The following MEGF9 variants were observed in gnomAD, a reference collection of about 807,000 sequenced individuals.
The protein encoded by MEGF9 is multiple EGF like domains 9, also known as multiple epidermal growth factor-like domains protein 9.
A neutral mutation model predicts 46.8 loss-of-function variants in MEGF9; 6 were observed. The ratio of observed to expected loss-of-function variants is 0.13; its 90% CI spans 0.07 to 0.25. The LOEUF (loss-of-function observed/expected upper bound fraction) is 0.25, where lower values mean the gene tolerates loss of function less well. Among genes scored for constraint, MEGF9 ranks in the 10% least tolerant of loss-of-function variants. The probability of loss-of-function intolerance (pLI) is 1.00; values close to 1 mark genes in which losing one functional copy is unlikely to be tolerated. For missense variants in MEGF9, 683 were observed against 792.4 expected (o/e 0.86, Z 1.66); for synonymous variants, 302 against 330.7 (o/e 0.91, Z 0.94).
intron 1 of MEGF9, among the ~76,000 whole-genome samples, chr9:120,707,063 C>G (rs2043932311): frequency 2.6e-5 from 4 of 152,122 alleles, no homozygotes. Flanking sequence ...AATGTAGGTT[C>G]TGCCAGAGCT....
intron 1 of MEGF9, among the ~76,000 whole-genome samples, chr9:120,679,202 T>C (rs989755523): frequency 3.9e-5 from 6 of 152,142 alleles, no homozygotes; most frequent in Non-Finnish European, 8.8e-5. Context: ...CTATTCACAA[T>C]AGCAAAGACT....
At chr9:120,626,668 G>A (rs1483102075) in intron 2 of MEGF9, among the ~76,000 whole-genome samples, 1 of 152,166 alleles carries the variant, frequency 6.6e-6, no homozygotes, top group Non-Finnish European at 1.5e-5. Context: ...CATTGATTAG[G>A]TGGGATGGGT....
At chr9:120,644,914 A>G (rs2043619004) in intron 2 of MEGF9, among the ~76,000 whole-genome samples, 1 of 152,218 alleles carries the variant, frequency 6.6e-6, no homozygotes, top group Non-Finnish European at 1.5e-5. Flanking sequence ...AAAATGCCCT[A>G]TAAGAGAGAT....
chr9:120,683,812 T>A (rs1357302446), intron 1 of MEGF9, among the ~76,000 whole-genome samples: 1 of 151,986 alleles, frequency 6.6e-6, no homozygotes, highest in African/African-American at 2.4e-5. Flanking sequence ...AAGGATCATC[T>A]AAGCCTGGGA....
At chr9:120,706,563 G>T (rs143034781) in intron 1 of MEGF9, among the ~76,000 whole-genome samples, 1 of 152,218 alleles carries the variant, frequency 6.6e-6, no homozygotes, top group Non-Finnish European at 1.5e-5. Context: ...GGCTGGGCAC[G>T]GTGTCTCACA....
chr9:120,708,289 G>A (rs751399404), intron 1 of MEGF9, among the ~76,000 whole-genome samples: 14 of 151,882 alleles, frequency 9.2e-5, no homozygotes, highest in East Asian at 5.8e-4. Flanking sequence ...CACTTGAACC[G>A]GGGAGGTGGA....
chr9:120,615,890 T>C (rs1476263108), intron 3 of MEGF9, among the ~76,000 whole-genome samples: 1 of 152,132 alleles, frequency 6.6e-6, no homozygotes, highest in Non-Finnish European at 1.5e-5. Context: ...CGAGACCCTG[T>C]CTCAGAAGAA....
intron 1 of MEGF9, among the ~76,000 whole-genome samples, chr9:120,698,586 C>G (rs1044370812): frequency 4.6e-5 from 7 of 152,158 alleles, no homozygotes; most frequent in Admixed American, 2.0e-4. Flanking sequence ...GATTATATGA[C>G]GGAAGTTGGT....
Position 120,713,946 on chromosome 9 carries a change from T to A in MEGF9, c.413A>T (p.Gln138Leu). The stretch of plus-strand genomic sequence containing the variant: ...GGTCGGCGCGGGTCTGGTCGGCGCC[T>A]GAGAGGTGGTCGAAGTGCGTTCCGC... ...PAAERTSTTS[Q>L]APTRPAPTTL... is the part of the protein sequence containing the mutation. The change falls in exon 1 of 6, where the codon CAG (glutamine) becomes CTG (leucine). Residue 138 changes from glutamine to leucine, a missense_variant. This residue lies in a region of MEGF9 where 370 missense variants were observed against 371.3 expected (regional missense o/e 1.00). Transcript: ENST00000373930. The A allele has an allele frequency of 1.5e-6, 2 of 1,374,862 alleles. No individual in the cohort carries two copies. The allele number at this position is 1,374,862 out of a possible 1,614,324, so 85.2% of individuals were successfully genotyped here. A position where few individuals can be genotyped will look rare whatever the true frequency, so the allele number is the denominator to read the frequency against.
At chr9:120,627,484 G>C (rs541312800) in intron 2 of MEGF9, among the ~76,000 whole-genome samples, 2 of 151,758 alleles carry the variant, frequency 1.3e-5, no homozygotes, top group Non-Finnish European at 1.5e-5. Context: ...TTTTGAGATG[G>C]AGTCTTGCTC....
At chr9:120,629,932 C>CAA (rs1177937335) in intron 2 of MEGF9, among the ~76,000 whole-genome samples, 1 of 102,306 alleles carries the variant, frequency 9.8e-6, no homozygotes, top group African/African-American at 3.4e-5. Flanking sequence ...GACTCCGTCT[C>CAA]AAAAAAAAAA....
intron 1 of MEGF9, among the ~76,000 whole-genome samples, chr9:120,705,002 G>T (rs1018601834): frequency 3.3e-5 from 5 of 151,994 alleles, no homozygotes; most frequent in Non-Finnish European, 7.4e-5. Flanking sequence ...TTTAGAGCCA[G>T]ATAACTTCTA....
chr9:120,667,700 C>T (rs2043731232), intron 1 of MEGF9, among the ~76,000 whole-genome samples: 1 of 152,132 alleles, frequency 6.6e-6, no homozygotes, highest in Admixed American at 6.5e-5. Flanking sequence ...CAATTCAAAC[C>T]TCTTCATGTA....
chr9:120,660,943 A>C (rs143175889), intron 1 of MEGF9, among the ~76,000 whole-genome samples: 1 of 152,268 alleles, frequency 6.6e-6, no homozygotes, highest in African/African-American at 2.4e-5. Context: ...ACTATTTTTG[A>C]TGACTTCAAA....
chr9:120,705,840 A>G lies in MEGF9; in HGVS notation c.601+7918T>C, dbSNP rs578137859. On this transcript the variant is annotated intron_variant, in intron 1 of 5. Coordinates refer to ENST00000373930, the MANE Select transcript of MEGF9 (RefSeq NM_001080497.3). ...CAGATAAATCAAAATGTATACTTGA[A>G]AAAAAGCCTAAGTGATCACAGAAGA... Among the ~76,000 whole-genome samples, 6 of 152,262 alleles carry G rather than the reference A, an allele frequency of 3.9e-5. No individual in the cohort carries two copies. In the South Asian group the frequency reaches 1.2e-3, roughly 32 times the overall value.
intron 2 of MEGF9, among the ~76,000 whole-genome samples, chr9:120,646,804 C>T (rs77564052): frequency 0.024 from 3,597 of 152,078 alleles, 150 homozygotes; most frequent in African/African-American, 0.083. Flanking sequence ...CAGATAAATG[C>T]GGTATTTAGT....
At chr9:120,615,220 CAA>C (rs2043465946) in intron 3 of MEGF9, among the ~76,000 whole-genome samples, 2 of 151,208 alleles carry the variant, frequency 1.3e-5, no homozygotes, top group South Asian at 4.2e-4. Context: ...GCCTGGGCAA[CAA>C]GAGTGAAACT....
chr9:120,696,637 T>C (rs1003575187), intron 1 of MEGF9, among the ~76,000 whole-genome samples: 3 of 152,186 alleles, frequency 2.0e-5, no homozygotes, highest in African/African-American at 7.2e-5. Context: ...TTCAGTCTGC[T>C]AGAGTTTAAA....
chr9:120,659,255 T>C (rs35239739), intron 2 of MEGF9, 119 bp downstream of exon 2: 7,034 of 625,150 alleles, frequency 0.011, 85 homozygotes, highest in Non-Finnish European at 0.012. Context: ...ATAAAATATT[T>C]TGTAAATCTA....
Sources: allele counts gnomAD v4.1 joint callset (sites outside exome capture counted in the v4.1 genomes callset), GRCh38; gene constraint gnomAD v4.1.1; regional missense constraint gnomAD v4.1.1; transcripts MANE v1.5; gene names NCBI Gene and HGNC (gene_info 2026-07-23, HGNC 2026-07-21).